KCNQ5: variants seen among roughly 807,000 people sequenced by gnomAD.
KCNQ5 encodes the protein potassium voltage-gated channel subfamily KQT member 5.
In KCNQ5, 30 loss-of-function variants were observed where a neutral mutation model predicts 98.2. The ratio of observed to expected loss-of-function variants is 0.31; its 90% CI spans 0.23 to 0.41. The LOEUF (loss-of-function observed/expected upper bound fraction) is 0.41. KCNQ5 is among the 10% of genes least tolerant of loss of function. The pLI is 1.00. For synonymous variants in KCNQ5, 458 were observed against 449.4 expected, an observed-to-expected ratio of 1.02 and a Z score of -0.24; for missense variants, 835 against 1,182.5, an observed-to-expected ratio of 0.71 and a Z score of 4.31.
intron 1 of KCNQ5, among the ~76,000 whole-genome samples, chr6:72,717,423 T>G (rs1769700268): frequency 6.6e-6 from 1 of 152,228 alleles, no homozygotes; most frequent in South Asian, 2.1e-4. Context: ...CATAAATATG[T>G]ACAATTATTA....
chr6:72,820,155 CAT>C (rs539613207), intron 1 of KCNQ5, among the ~76,000 whole-genome samples: 112 of 152,304 alleles, frequency 7.4e-4, no homozygotes, highest in Non-Finnish European at 1.2e-3. Flanking sequence ...TCTCTGTAGA[CAT>C]ATGTCAGCTT....
At chr6:72,743,828 ACATGAATTTTTTTATTGTATCTTT>A (rs1771245917) in intron 1 of KCNQ5, among the ~76,000 whole-genome samples, 1 of 152,152 alleles carries the variant, frequency 6.6e-6, no homozygotes. Context: ...ATTAGATGTG[ACATGAATTTTTTTATTGTATCTTT>A]CATGGTAGAC....
At chr6:72,790,631 T>C (rs937727461) in intron 1 of KCNQ5, among the ~76,000 whole-genome samples, 3 of 152,168 alleles carry the variant, frequency 2.0e-5, no homozygotes, top group Non-Finnish European at 4.4e-5. Context: ...TAAAAAATAA[T>C]TTTATTGTAC....
chr6:73,085,174 G>C (rs972667489), intron 5 of KCNQ5, among the ~76,000 whole-genome samples: 8 of 152,188 alleles, frequency 5.3e-5, no homozygotes, highest in Non-Finnish European at 8.8e-5. Context: ...AGATCAAGCA[G>C]ATGGGTCAGG....
intron 5 of KCNQ5, among the ~76,000 whole-genome samples, chr6:73,099,925 G>C (rs923731149): frequency 6.6e-6 from 1 of 152,144 alleles, no homozygotes; most frequent in Non-Finnish European, 1.5e-5. Flanking sequence ...GATAGATCAG[G>C]ATAGGCCACA....
chr6:72,862,358 A>T (rs1038214466), intron 1 of KCNQ5, among the ~76,000 whole-genome samples: 4 of 152,188 alleles, frequency 2.6e-5, no homozygotes, highest in Non-Finnish European at 5.9e-5. Context: ...TCTGCCAAAG[A>T]TACACTAAGA....
chr6:73,034,561 C>G (rs1771303359), intron 2 of KCNQ5, among the ~76,000 whole-genome samples: 1 of 152,188 alleles, frequency 6.6e-6, no homozygotes, highest in African/African-American at 2.4e-5. Flanking sequence ...GAGAAAACAA[C>G]TGGTACATGA....
At chr6:72,833,946 A>C (rs1776395948) in intron 1 of KCNQ5, among the ~76,000 whole-genome samples, 1 of 152,158 alleles carries the variant, frequency 6.6e-6, no homozygotes, top group South Asian at 2.1e-4. Flanking sequence ...ACAAAAGAAT[A>C]CATAAAGTTA....
chr6:73,074,686 T>C (rs1773446791), intron 3 of KCNQ5, among the ~76,000 whole-genome samples: 1 of 152,044 alleles, frequency 6.6e-6, no homozygotes, highest in East Asian at 1.9e-4. Context: ...TTTTTTCATC[T>C]GTAAAATGGG....
At chr6:73,027,063 G>A (rs1770924548) in intron 2 of KCNQ5, among the ~76,000 whole-genome samples, 1 of 152,118 alleles carries the variant, frequency 6.6e-6, no homozygotes, top group African/African-American at 2.4e-5. Flanking sequence ...CAATGTGCTG[G>A]CCCTTTGCTT....
chr6:73,058,328 C>T (rs939853001), intron 3 of KCNQ5, among the ~76,000 whole-genome samples: 6 of 152,208 alleles, frequency 3.9e-5, no homozygotes, highest in South Asian at 2.1e-4. Context: ...AGGAGAATGG[C>T]GTGAACCCCG....
chr6:72,902,458 G>A (rs530995847), intron 1 of KCNQ5, among the ~76,000 whole-genome samples: 1 of 152,312 alleles, frequency 6.6e-6, no homozygotes, highest in African/African-American at 2.4e-5. Flanking sequence ...TCCCCATTCA[G>A]TATTATGTTG....
At chr6:72,700,998 C>G (rs552674512) in intron 1 of KCNQ5, among the ~76,000 whole-genome samples, 1 of 152,328 alleles carries the variant, frequency 6.6e-6, no homozygotes, top group South Asian at 2.1e-4. Flanking sequence ...GACTACATTG[C>G]TGTTTACTAA....
At chr6:72,743,317 T>C (rs572866887) in intron 1 of KCNQ5, among the ~76,000 whole-genome samples, 5 of 151,568 alleles carry the variant, frequency 3.3e-5, no homozygotes, top group Non-Finnish European at 5.9e-5. Context: ...AAATATTTTA[T>C]AATATACATT....
In KCNQ5 at chr6:72,856,469, TATAC is replaced by T. The variant is rs754876114; in HGVS notation, c.399-147437_399-147434del. Among the ~76,000 whole-genome samples the T allele has an allele frequency of 2.0e-4, 12 of 58,948 alleles. No individual in the cohort carries two copies. In the South Asian group the frequency reaches 3.0e-3, roughly 15 times the overall value. The allele number at this position is 58,948 out of a possible 152,430, so 38.7% of individuals were successfully genotyped here. On this transcript the variant is annotated intron_variant, in intron 1 of 13. Coordinates refer to ENST00000370398, the MANE Select transcript of KCNQ5 (RefSeq NM_019842.4). Reference sequence around the variant, plus strand: ...ATACACACACACACACACACACATATATACACACACACACACACACACACACGTG... The same window carrying T: ...ATACACACACACACACACACACATATACACACACACACACACACACACGTG...
At chr6:72,667,804 G>C (rs1417367863) in intron 1 of KCNQ5, among the ~76,000 whole-genome samples, 1 of 152,156 alleles carries the variant, frequency 6.6e-6, no homozygotes, top group Non-Finnish European at 1.5e-5. Flanking sequence ...TGTTAACAAT[G>C]CATAATCTTA....
intron 1 of KCNQ5, among the ~76,000 whole-genome samples, chr6:72,897,309 G>A (rs1779292180): frequency 1.3e-5 from 2 of 152,112 alleles, no homozygotes; most frequent in African/African-American, 4.8e-5. Flanking sequence ...GGGAGGCCGA[G>A]GCGGGTAGAT....
chr6:72,637,290 C>T lies in KCNQ5; in HGVS notation c.398+14703C>T, dbSNP rs530960449. The stretch of plus-strand genomic sequence containing the variant: ...ACAAAATGAAGTGTCTGTTTATTTT[C>T]AGTATACACTTTAAGCTTCTAATAT... On this transcript the variant is annotated intron_variant, in intron 1 of 13. Transcript: ENST00000370398. 2.0e-5 allele frequency among the ~76,000 whole-genome samples: 3 copies of T among 151,580 alleles called. No individual in the cohort carries two copies. The East Asian group carries it at 5.8e-4, about 29-fold the overall frequency.
At chr6:73,018,158 G>C (rs117712639) in intron 2 of KCNQ5, among the ~76,000 whole-genome samples, 1 of 152,108 alleles carries the variant, frequency 6.6e-6, no homozygotes, top group Non-Finnish European at 1.5e-5. Context: ...ATAATGACTG[G>C]AGAATTTGTG....
Sources: allele counts gnomAD v4.1 joint callset (sites outside exome capture counted in the v4.1 genomes callset), GRCh38; gene constraint gnomAD v4.1.1; transcripts MANE v1.5; gene names NCBI Gene and HGNC (gene_info 2026-07-23, HGNC 2026-07-21).